Variants in TMEM17 observed in about 807,000 individuals in gnomAD.
The protein encoded by TMEM17 is transmembrane protein 17.
A neutral mutation model predicts 19.1 loss-of-function variants in TMEM17; 15 were observed. That is an observed-to-expected ratio of 0.78 (90% CI 0.52 to 1.21). TMEM17 has a LOEUF of 1.21. Ranked by LOEUF, TMEM17 falls within the 50% of genes most tolerant of loss-of-function variation. The pLI is 0.00. For missense variants in TMEM17, 245 were observed against 242.3 expected (o/e 1.01, Z -0.07); for synonymous variants, 103 against 86.9 (o/e 1.19, Z -1.03).
the TMEM17 span, among the ~76,000 whole-genome samples, chr2:62,485,978 A>G: frequency 6.6e-6 from 1 of 151,978 alleles, no homozygotes; most frequent in Non-Finnish European, 1.5e-5. Context: ...TTTTTCCCCC[A>G]TTTCCATTTT....
chr2:62,479,889 CAAAAAAAAA>C, the TMEM17 span, among the ~76,000 whole-genome samples: 1 of 68,900 alleles, frequency 1.5e-5, no homozygotes, highest in Admixed American at 1.8e-4. Flanking sequence ...AGACCTGTCT[CAAAAAAAAA>C]AAAAAAAAAA....
At chr2:62,480,566 C>T in the TMEM17 span, among the ~76,000 whole-genome samples, 2 of 152,148 alleles carry the variant, frequency 1.3e-5, no homozygotes, top group African/African-American at 4.8e-5. Flanking sequence ...ATTTAGGTCT[C>T]AGATCCACTT....
the TMEM17 span, among the ~76,000 whole-genome samples, chr2:62,488,249 G>A: frequency 1.3e-5 from 2 of 152,056 alleles, no homozygotes; most frequent in African/African-American, 4.8e-5. Context: ...TTGCCTTCCT[G>A]GGTGGCTTTG....
chr2:62,495,538 C>T (rs534893922), downstream of TMEM17, among the ~76,000 whole-genome samples: 3 of 152,206 alleles, frequency 2.0e-5, no homozygotes, highest in African/African-American at 7.2e-5. Context: ...AAGATATATA[C>T]CCATAACAAG....
At chr2:62,491,062 G>C in the TMEM17 span, 30 of 108,918 alleles carry the variant, frequency 2.8e-4, no homozygotes, top group Admixed American at 4.1e-3. Context: ...CTGGGCAACA[G>C]AGCCAGACTC....
the TMEM17 span, among the ~76,000 whole-genome samples, chr2:62,461,438 T>C: frequency 1.3e-5 from 2 of 152,160 alleles, no homozygotes; most frequent in Non-Finnish European, 2.9e-5. Flanking sequence ...TGCTTGGCCA[T>C]TCCTGCCTGG....
the TMEM17 span, among the ~76,000 whole-genome samples, chr2:62,457,669 G>A: frequency 6.6e-6 from 1 of 152,160 alleles, no homozygotes; most frequent in Non-Finnish European, 1.5e-5. This position sits in a 1 kb window ranked among gnomAD's most constrained non-coding sequence, Gnocchi z 4.2. Context: ...AGCCAGGCTG[G>A]TGGGAACTCC....
chr2:62,473,530 C>T, the TMEM17 span, among the ~76,000 whole-genome samples: 1,930 of 152,294 alleles, frequency 0.013, 41 homozygotes, highest in African/African-American at 0.043. Context: ...GCAGAACCAG[C>T]TTTACCCCTC....
the TMEM17 span, among the ~76,000 whole-genome samples, chr2:62,493,930 G>A: frequency 6.6e-6 from 1 of 152,090 alleles, no homozygotes; most frequent in Non-Finnish European, 1.5e-5. Flanking sequence ...TTTTGGTTCT[G>A]TTCAGGCCTT....
chr2:62,488,671 A>G, the TMEM17 span, among the ~76,000 whole-genome samples: 1 of 152,096 alleles, frequency 6.6e-6, no homozygotes, highest in South Asian at 2.1e-4. Flanking sequence ...TAGGAATTGG[A>G]TCTTGAATCT....
chr2:62,490,814 C>T, the TMEM17 span, among the ~76,000 whole-genome samples: 9 of 152,164 alleles, frequency 5.9e-5, no homozygotes, highest in South Asian at 8.3e-4. Flanking sequence ...TGGTGGCTCA[C>T]GCCTGTAATC....
chr2:62,481,731 G>GTGTA, the TMEM17 span, among the ~76,000 whole-genome samples: 1 of 148,826 alleles, frequency 6.7e-6, no homozygotes, highest in African/African-American at 2.5e-5. Flanking sequence ...GTGTGTGTGT[G>GTGTA]TGTGTAAGGG....
the TMEM17 span, among the ~76,000 whole-genome samples, chr2:62,459,785 G>A: frequency 6.6e-6 from 1 of 152,188 alleles, no homozygotes; most frequent in African/African-American, 2.4e-5. Flanking sequence ...AAATAGAGAT[G>A]GGGACTTGCT....
intron 3 of TMEM17, 193 bp from the exon 4 acceptor site, chr2:62,501,680 C>A (rs1679933668): frequency 3.5e-6 from 2 of 573,502 alleles, no homozygotes; most frequent in Non-Finnish European, 6.1e-6. Context: ...TAAAACAATC[C>A]TAGAATACTA....
At chr2:62,458,213 C>T in the TMEM17 span, among the ~76,000 whole-genome samples, 284 of 152,316 alleles carry the variant, frequency 1.9e-3, 11 homozygotes, top group East Asian at 0.049. Context: ...TTAGTCTGGG[C>T]GGATCCCAGG....
chr2:62,474,421 G>A, the TMEM17 span, among the ~76,000 whole-genome samples: 4 of 152,076 alleles, frequency 2.6e-5, no homozygotes, highest in Admixed American at 6.5e-5. Flanking sequence ...TTCAACCCAC[G>A]CTGAAGCTGC....
the TMEM17 span, among the ~76,000 whole-genome samples, chr2:62,453,805 C>T: frequency 7.9e-5 from 12 of 152,298 alleles, no homozygotes; most frequent in Admixed American, 3.3e-4. Context: ...TTCTCACCCA[C>T]GGTTTGCTTG....
At chr2:62,492,359 A>T in the TMEM17 span, among the ~76,000 whole-genome samples, 3 of 152,210 alleles carry the variant, frequency 2.0e-5, no homozygotes, top group Admixed American at 6.5e-5. Context: ...ATTGAATGAG[A>T]TATTGATAAA....
At chr2:62,492,424 T>C in the TMEM17 span, among the ~76,000 whole-genome samples, 3 of 152,252 alleles carry the variant, frequency 2.0e-5, no homozygotes, top group Non-Finnish European at 4.4e-5. Context: ...GTGGTTGTTA[T>C]TTGCATGAGT....
Sources: allele counts gnomAD v4.1 joint callset (sites outside exome capture counted in the v4.1 genomes callset), GRCh38; gene constraint gnomAD v4.1.1; non-coding constraint Gnocchi (gnomAD v3.1); transcripts MANE v1.5; gene names NCBI Gene and HGNC (gene_info 2026-07-23, HGNC 2026-07-21).